MAP3K2: variants seen among roughly 807,000 people sequenced by gnomAD.
The protein encoded by MAP3K2 is MAP/ERK kinase kinase 2.
Under a neutral mutation model 80.3 loss-of-function variants are expected in MAP3K2, and 24 were observed. The ratio of observed to expected loss-of-function variants is 0.30; its 90% CI spans 0.22 to 0.42. MAP3K2 has a LOEUF of 0.42. Ranked by LOEUF, MAP3K2 falls within the 10% of genes least tolerant of loss-of-function variation. MAP3K2 has a pLI of 1.00. For missense variants in MAP3K2, 608 were observed against 750.1 expected (o/e 0.81, Z 2.21); for synonymous variants, 244 against 253.7 (o/e 0.96, Z 0.36).
rs1023317069 is a variant in MAP3K2, at chr2:127,302,890, A to T, written c.*4689T>A. 2.6e-5 allele frequency: 4 copies of T among 151,994 alleles called. No individual in the cohort carries two copies. The highest frequency in any genetic ancestry group is 5.9e-5 in the Non-Finnish European group (4 of 67,974). The allele number at this position is 151,994 out of a possible 1,614,324, so 9.4% of individuals were successfully genotyped here. On this transcript the variant is annotated 3_prime_UTR_variant, in exon 17 of 17. Coordinates refer to ENST00000682094, the MANE Select transcript of MAP3K2 (RefSeq NM_001371910.2). ...TCTCCTAACATTTATTTATTTATTTATTTATTTTTTTAAAAAGGAGGTAGA... is the reference window on the plus strand; with the variant it reads ...TCTCCTAACATTTATTTATTTATTTTTTTATTTTTTTAAAAAGGAGGTAGA...
At chr2:127,319,252 A>AAAAAAC (rs1685967395) in intron 12 of MAP3K2, among the ~76,000 whole-genome samples, 1 of 150,896 alleles carries the variant, frequency 6.6e-6, no homozygotes, top group African/African-American at 2.5e-5. Context: ...AAAAAAAAAA[A>AAAAAAC]AACCCTACCC....
intron 5 of MAP3K2, among the ~76,000 whole-genome samples, chr2:127,333,380 G>A (rs375904861): frequency 2.0e-5 from 3 of 151,618 alleles, no homozygotes; most frequent in Non-Finnish European, 4.4e-5. Context: ...TTTCCTTAAC[G>A]TTTCAATTCT....
chr2:127,317,907 A>G, intron 13 of MAP3K2, 147 bp from the exon 14 acceptor site: 2 of 784,078 alleles, frequency 2.6e-6, no homozygotes, highest in Non-Finnish European at 4.0e-6. Context: ...ATAACTTTTT[A>G]AACAGTCCTT....
Position 127,369,202 on chromosome 2 carries a change from G to T in MAP3K2, c.-66+18250C>A, listed in dbSNP as rs12989154. On this transcript the variant is annotated intron_variant, in intron 1 of 16. Transcript: ENST00000682094. ...CCAGACCTTGTGATCTGCCCGCCTC[G>T]GCCTCCCAAAGTACTGGGATTACAG... Among the ~76,000 whole-genome samples, 28 of 149,192 alleles carry T rather than the reference G, an allele frequency of 1.9e-4. No individual in the cohort carries two copies. The East Asian group carries it at 2.7e-3, about 14-fold the overall frequency.
At chr2:127,331,655 G>A (rs1686258151) in intron 5 of MAP3K2, among the ~76,000 whole-genome samples, 1 of 152,184 alleles carries the variant, frequency 6.6e-6, no homozygotes, top group Non-Finnish European at 1.5e-5. Context: ...TGTCATTCAG[G>A]CTGGAGTACA....
intron 1 of MAP3K2, among the ~76,000 whole-genome samples, chr2:127,382,196 C>T (rs572161047): frequency 5.9e-5 from 9 of 152,090 alleles, no homozygotes; most frequent in African/African-American, 1.9e-4. Flanking sequence ...AAAGAAGTAT[C>T]GCACCTAAGA....
chr2:127,381,716 A>C (rs1434166665), intron 1 of MAP3K2, among the ~76,000 whole-genome samples: 1 of 152,164 alleles, frequency 6.6e-6, no homozygotes, highest in African/African-American at 2.4e-5. Flanking sequence ...ACTCCTCTCA[A>C]CCAAGCAATC....
At chr2:127,366,815 C>T (rs1200271885) in intron 1 of MAP3K2, among the ~76,000 whole-genome samples, 1 of 150,590 alleles carries the variant, frequency 6.6e-6, no homozygotes, top group African/African-American at 2.4e-5. Flanking sequence ...TTTTCTAAGG[C>T]TCAATGCTTA....
chr2:127,307,692 G>A lies in MAP3K2; in HGVS notation c.1747C>T (p.Pro583Ser). 1 of 1,596,710 alleles carries A rather than the reference G, an allele frequency of 6.3e-7. No homozygotes were observed. Among genetic ancestry groups the A allele is most frequent in the Admixed American group, 1.7e-5 (1 of 57,298 alleles). The part of the protein sequence containing the change: ...IATQPTNPKL[P>S]PHVSDYTRDF... ...CGAGTATAGTCTGAGACATGAGGTGGCAGCTTTGGGTTTGTTGGCTGAGTG... is the reference window on the plus strand; with the variant it reads ...CGAGTATAGTCTGAGACATGAGGTGACAGCTTTGGGTTTGTTGGCTGAGTG... The change falls in exon 17 of 17, where the codon CCA (proline) becomes TCA (serine). Residue 583 changes from proline (P) to serine (S), a missense_variant. By Grantham distance (74) the Pro-to-Ser change is moderately conservative. This residue lies in a region of MAP3K2 where 42 missense variants were observed against 53.7 expected (regional missense o/e 0.78). Coordinates refer to ENST00000682094, the MANE Select transcript of MAP3K2 (RefSeq NM_001371910.2). This position sits in a 1 kb window ranked among gnomAD's most constrained non-coding sequence, Gnocchi z 5.4.
At chr2:127,375,413 TA>T (rs200327419) in intron 1 of MAP3K2, among the ~76,000 whole-genome samples, 12,723 of 142,868 alleles carry the variant, frequency 0.089, 718 homozygotes, top group Non-Finnish European at 0.12. Context: ...TTTATTTATT[TA>T]TTTATTTTTT....
At chr2:127,350,235 G>A (rs1686667098) in intron 1 of MAP3K2, among the ~76,000 whole-genome samples, 1 of 151,950 alleles carries the variant, frequency 6.6e-6, no homozygotes, top group African/African-American at 2.4e-5. Flanking sequence ...ACTTGAAGGG[G>A]ATTCCACTTA....
chr2:127,334,803 G>A (rs1558980079), intron 5 of MAP3K2, among the ~76,000 whole-genome samples: 1 of 141,464 alleles, frequency 7.1e-6, no homozygotes, highest in Non-Finnish European at 1.5e-5. Flanking sequence ...ACGGAGTCTC[G>A]CTCTGTCACC....
At chr2:127,331,749 G>C (rs1165111966) in intron 5 of MAP3K2, among the ~76,000 whole-genome samples, 1 of 152,200 alleles carries the variant, frequency 6.6e-6, no homozygotes, top group Non-Finnish European at 1.5e-5. Context: ...GGGTTTACAG[G>C]CATGCACCAC....
chr2:127,337,890 A>C (rs1686403642), intron 3 of MAP3K2, 112 bp from the exon 4 acceptor site: 2 of 596,130 alleles, frequency 3.4e-6, no homozygotes, highest in Non-Finnish European at 5.7e-6. Context: ...CATTTAAAAT[A>C]GACCAGACGA....
rs879433082 is a variant in MAP3K2, at chr2:127,387,939, C to G, written c.-553G>C. 4.0e-5 allele frequency: 39 copies of G among 984,724 alleles called. No homozygotes were observed. The highest frequency in any genetic ancestry group is 4.7e-5 in the South Asian group (1 of 21,292). 61.0% of individuals were successfully genotyped at this position (984,724 alleles called of 1,614,324 possible). A position where few individuals can be genotyped will look rare whatever the true frequency, so the allele number is the denominator to read the frequency against. On this transcript the variant is annotated 5_prime_UTR_variant, in exon 1 of 17. Transcript: ENST00000682094. ...CCTCGTCAGGCGCCGCCGCTGAGGG[C>G]AGGCAGCCCGGCAGCCACTACACAC... is the stretch of plus-strand genomic sequence containing the variant.
At chr2:127,344,409 G>C (rs949149169) in intron 1 of MAP3K2, among the ~76,000 whole-genome samples, 4 of 151,962 alleles carry the variant, frequency 2.6e-5, no homozygotes, top group Non-Finnish European at 4.4e-5. Flanking sequence ...AGCAATTTGG[G>C]GGGGCCAAGG....
chr2:127,362,542 G>C (rs72848604), intron 1 of MAP3K2, among the ~76,000 whole-genome samples: 36,690 of 151,850 alleles, frequency 0.24, 4,655 homozygotes, highest in Middle Eastern at 0.31. Context: ...TTTTAAAGAG[G>C]AAAGAAGGTA....
chr2:127,384,213 GAT>G (rs35560058), intron 1 of MAP3K2, among the ~76,000 whole-genome samples: 49,916 of 144,312 alleles, frequency 0.35, 8,880 homozygotes, highest in East Asian at 0.61. Flanking sequence ...ATTTTTAATT[GAT>G]ATATATATAT....
chr2:127,378,923 G>C (rs1230418077), intron 1 of MAP3K2, among the ~76,000 whole-genome samples: 1 of 151,188 alleles, frequency 6.6e-6, no homozygotes, highest in African/African-American at 2.4e-5. Context: ...CTTTTGAGTA[G>C]CTGGAACTAC....
Sources: gnomAD v4.1 joint callset for allele counts (sites outside exome capture counted in the v4.1 genomes callset) on GRCh38, gnomAD v4.1.1 for gene constraint, gnomAD v4.1.1 regional missense constraint, Gnocchi (gnomAD v3.1) non-coding constraint, MANE v1.5 for transcripts, NCBI Gene and HGNC (gene_info 2026-07-23, HGNC 2026-07-21) for gene names.